Variants in NOS1AP observed in about 807,000 individuals in gnomAD.
The protein encoded by NOS1AP is nitric oxide synthase 1 adaptor protein, also known as carboxyl-terminal PDZ ligand of neuronal nitric oxide synthase protein.
A neutral mutation model predicts 56.2 loss-of-function variants in NOS1AP; 21 were observed. The observed-to-expected ratio is 0.37, with a 90% CI of 0.26 to 0.54. The LOEUF is 0.54. Ranked by LOEUF, NOS1AP falls within the 20% of genes least tolerant of loss-of-function variation. The pLI, the probability that NOS1AP is intolerant of heterozygous loss-of-function variation, is 0.84. For synonymous variants in NOS1AP, 270 were observed against 274.6 expected, an observed-to-expected ratio of 0.98 and a Z score of 0.17; for missense variants, 522 against 657.8, an observed-to-expected ratio of 0.79 and a Z score of 2.26.
chr1:162,132,882 G>T (rs1298511895), intron 1 of NOS1AP, among the ~76,000 whole-genome samples: 2 of 152,200 alleles, frequency 1.3e-5, no homozygotes, highest in Non-Finnish European at 2.9e-5. Flanking sequence ...TTCTTGCTGA[G>T]ATTCTCCACT....
chr1:162,089,456 T>G (rs1692079858), intron 1 of NOS1AP, among the ~76,000 whole-genome samples: 1 of 152,248 alleles, frequency 6.6e-6, no homozygotes, highest in Middle Eastern at 3.2e-3. Flanking sequence ...ATCTGTATCC[T>G]TCACCATCTT....
At chr1:162,127,532 A>G (rs1314981437) in intron 1 of NOS1AP, among the ~76,000 whole-genome samples, 3 of 152,152 alleles carry the variant, frequency 2.0e-5, no homozygotes, top group Non-Finnish European at 4.4e-5. Flanking sequence ...CTTTATAAAA[A>G]AAAAAAAAAA....
intron 2 of NOS1AP, among the ~76,000 whole-genome samples, chr1:162,170,659 G>T (rs1285490437): frequency 6.6e-6 from 1 of 152,148 alleles, no homozygotes; most frequent in Non-Finnish European, 1.5e-5. Flanking sequence ...AGGCGCGGTG[G>T]CTCACGCCTG....
chr1:162,264,367 T>G (rs1486790349), intron 2 of NOS1AP, among the ~76,000 whole-genome samples: 1 of 151,952 alleles, frequency 6.6e-6, no homozygotes, highest in Non-Finnish European at 1.5e-5. Flanking sequence ...GCAGTGACCT[T>G]TGCTTAGAAT....
chr1:162,192,491 A>G (rs1340602398), intron 2 of NOS1AP, among the ~76,000 whole-genome samples: 1 of 152,198 alleles, frequency 6.6e-6, no homozygotes, highest in East Asian at 1.9e-4. Flanking sequence ...AGAACAAGGA[A>G]TACAAGTGGC....
intron 4 of NOS1AP, among the ~76,000 whole-genome samples, chr1:162,315,740 G>A (rs1039768536): frequency 1.8e-4 from 27 of 152,070 alleles, no homozygotes; most frequent in African/African-American, 5.1e-4. Context: ...TCTGTATTTG[G>A]CTTAACATTT....
intron 2 of NOS1AP, among the ~76,000 whole-genome samples, chr1:162,209,245 C>T (rs950328159): frequency 6.6e-6 from 1 of 152,168 alleles, no homozygotes; most frequent in Non-Finnish European, 1.5e-5. Context: ...CAGGGATGGG[C>T]ACCAGTGTAG....
At chr1:162,130,184 A>G (rs907550141) in intron 1 of NOS1AP, among the ~76,000 whole-genome samples, 9 of 152,238 alleles carry the variant, frequency 5.9e-5, no homozygotes, top group African/African-American at 2.2e-4. Context: ...AATGGCTATA[A>G]TAACAATAGC....
At position 162,239,994 on chromosome 1, in the gene NOS1AP, T is replaced by A. The variant is rs1653433591; in HGVS notation, c.178-47350T>A. On this transcript the variant is annotated intron_variant, in intron 2 of 9. Coordinates refer to ENST00000361897, the MANE Select transcript of NOS1AP (RefSeq NM_014697.3). ...TGCTTCAGTAATGTGGCATCAGAGC[T>A]CCCTCCAGGCTTCCCAGTGCCTGGA... Among the ~76,000 whole-genome samples the A allele has an allele frequency of 2.0e-5, 3 of 152,104 alleles. No individual in the cohort carries two copies. In the South Asian group the frequency reaches 6.2e-4, roughly 32 times the overall value.
At chr1:162,278,473 G>T (rs912288326) in intron 2 of NOS1AP, among the ~76,000 whole-genome samples, 1 of 152,096 alleles carries the variant, frequency 6.6e-6, no homozygotes, top group African/African-American at 2.4e-5. Context: ...GATGTGTGTG[G>T]CAGATAGTGA....
intron 3 of NOS1AP, among the ~76,000 whole-genome samples, chr1:162,295,799 G>A (rs1333365817): frequency 2.0e-5 from 3 of 152,194 alleles, no homozygotes; most frequent in Admixed American, 6.5e-5. Context: ...GAGTAGTGGA[G>A]TCAGCACTAG....
intron 4 of NOS1AP, among the ~76,000 whole-genome samples, chr1:162,332,390 G>A (rs1656797647): frequency 6.6e-6 from 1 of 152,182 alleles, no homozygotes. Flanking sequence ...TAAGCTCCAT[G>A]AGTTCAGGGG....
chr1:162,122,187 T>C (rs1648268498), intron 1 of NOS1AP, among the ~76,000 whole-genome samples: 1 of 152,230 alleles, frequency 6.6e-6, no homozygotes. Flanking sequence ...ACGTGATCTG[T>C]TGTTGAGGGA....
At chr1:162,341,898 C>T (rs1001225372) in intron 5 of NOS1AP, among the ~76,000 whole-genome samples, 1 of 152,200 alleles carries the variant, frequency 6.6e-6, no homozygotes, top group African/African-American at 2.4e-5. Context: ...TCCTAGCCCA[C>T]ATTTGTTAGG....
intron 4 of NOS1AP, among the ~76,000 whole-genome samples, chr1:162,313,705 G>A (rs1405538673): frequency 1.3e-5 from 2 of 152,176 alleles, no homozygotes; most frequent in African/African-American, 4.8e-5. Flanking sequence ...CAGTAGAAAT[G>A]CATAGAAAGC....
chr1:162,116,544 T>G (rs1245836196), intron 1 of NOS1AP, among the ~76,000 whole-genome samples: 1 of 152,210 alleles, frequency 6.6e-6, no homozygotes, highest in Non-Finnish European at 1.5e-5. Flanking sequence ...CAGACAGATT[T>G]TACAGGAGCT....
chr1:162,105,788 G>A (rs551283825), intron 1 of NOS1AP, among the ~76,000 whole-genome samples: 40 of 152,202 alleles, frequency 2.6e-4, no homozygotes, highest in Non-Finnish European at 5.4e-4. Flanking sequence ...CAAACCACAG[G>A]GATGGTGGCT....
At chr1:162,105,549 CT>C (rs1324586613) in intron 1 of NOS1AP, among the ~76,000 whole-genome samples, 3 of 152,288 alleles carry the variant, frequency 2.0e-5, no homozygotes, top group Admixed American at 2.0e-4. Flanking sequence ...GCCTCTCCCC[CT>C]GGGAGCTTTG....
intron 2 of NOS1AP, among the ~76,000 whole-genome samples, chr1:162,277,194 G>C (rs1339325178): frequency 6.6e-6 from 1 of 152,170 alleles, no homozygotes; most frequent in Non-Finnish European, 1.5e-5. Context: ...CACCAGTTTA[G>C]AGAATCATAT....
Sources: gnomAD v4.1 joint callset for allele counts (sites outside exome capture counted in the v4.1 genomes callset) on GRCh38, gnomAD v4.1.1 for gene constraint, MANE v1.5 for transcripts, NCBI Gene and HGNC (gene_info 2026-07-23, HGNC 2026-07-21) for gene names.